Variants in PLEKHA3 observed in about 807,000 individuals in gnomAD.
PLEKHA3 encodes the protein pleckstrin homology domain containing A3, also known as pleckstrin homology domain-containing family A member 3.
PLEKHA3 carries 19 observed loss-of-function variants against 39.2 expected under a neutral mutation model. The observed-to-expected ratio is 0.48, with a 90% CI of 0.34 to 0.71. PLEKHA3 has a LOEUF of 0.71. Ranked by LOEUF, PLEKHA3 falls within the 30% of genes least tolerant of loss-of-function variation. The pLI, the probability that PLEKHA3 is intolerant of heterozygous loss-of-function variation, is 0.01. For synonymous variants in PLEKHA3, 97 were observed against 118.6 expected, an observed-to-expected ratio of 0.82 and a Z score of 1.18; for missense variants, 253 against 359.5, an observed-to-expected ratio of 0.70 and a Z score of 2.40.
chr2:178,503,289 A>G (rs892217514), intron 7 of PLEKHA3, among the ~76,000 whole-genome samples: 3 of 151,952 alleles, frequency 2.0e-5, no homozygotes, highest in Non-Finnish European at 4.4e-5. Flanking sequence ...TAGAATGAAA[A>G]GAGGAATACC....
Position 178,500,254 on chromosome 2 carries a change from T to G in PLEKHA3, c.660-807T>G, listed in dbSNP as rs118012723. Among the ~76,000 whole-genome samples, 53 of 152,222 alleles carry G rather than the reference T, an allele frequency of 3.5e-4. No homozygotes were observed. The East Asian group carries it at 9.5e-3, about 27-fold the overall frequency. On this transcript the variant is annotated intron_variant, in intron 6 of 7. Coordinates refer to ENST00000234453, the MANE Select transcript of PLEKHA3 (RefSeq NM_019091.4). ...TTTGTCATGTTTTAATTTTTTCCCCTGATGATTGTATAATCTTTGATTAAA... is the reference window on the plus strand; with the variant it reads ...TTTGTCATGTTTTAATTTTTTCCCCGGATGATTGTATAATCTTTGATTAAA...
In PLEKHA3 at chr2:178,505,356, C is replaced by G. The variant is rs1350449065; in HGVS notation, c.*1469C>G. 2.0e-5 allele frequency: 3 copies of G among 151,772 alleles called. No individual in the cohort carries two copies. Among genetic ancestry groups the G allele is most frequent in the Non-Finnish European group, 4.4e-5 (3 of 67,828 alleles). 9.4% of individuals were successfully genotyped at this position (151,772 alleles called of 1,614,324 possible). A position where few individuals can be genotyped will look rare whatever the true frequency, so the allele number is the denominator to read the frequency against. On this transcript the variant is annotated 3_prime_UTR_variant, in exon 8 of 8. Transcript: ENST00000234453. Reference sequence around the variant, plus strand: ...TAAGTTTAAGATGGACATAAACAGTCTATACATTAATATGTGTTTGGGTAA... The same window carrying G: ...TAAGTTTAAGATGGACATAAACAGTGTATACATTAATATGTGTTTGGGTAA...
chr2:178,497,777 C>T (rs1685471025), intron 5 of PLEKHA3, among the ~76,000 whole-genome samples: 1 of 151,886 alleles, frequency 6.6e-6, no homozygotes, highest in Admixed American at 6.6e-5. Flanking sequence ...AGTAAAACAC[C>T]TCAGAGTTGC....
chr2:178,510,857 T>A lies in PLEKHA3; in HGVS notation c.*6970T>A, dbSNP rs1685672729. 1 of 152,272 alleles carries A rather than the reference T, an allele frequency of 6.6e-6. No homozygotes were observed. The highest frequency in any genetic ancestry group is 1.5e-5 in the Non-Finnish European group (1 of 68,038). The allele number at this position is 152,272 out of a possible 1,614,324, so 9.4% of individuals were successfully genotyped here. ...ATTTATTTCATAGGTAAAATTTTAA[T>A]CTATTTTCTAATCAAAGTGTTTTGG... is the stretch of plus-strand genomic sequence containing the variant. On this transcript the variant is annotated 3_prime_UTR_variant, in exon 8 of 8. Coordinates refer to ENST00000234453, the MANE Select transcript of PLEKHA3 (RefSeq NM_019091.4).
chr2:178,495,757 G>A, intron 5 of PLEKHA3, 97 bp downstream of exon 5: 3 of 1,325,296 alleles, frequency 2.3e-6, no homozygotes, highest in Non-Finnish European at 3.1e-6. Flanking sequence ...GAAGCAGGCA[G>A]TTGGGGGGCG....
chr2:178,507,150 T>A lies in PLEKHA3; in HGVS notation c.*3263T>A, dbSNP rs1685614686. ...TTCCTGTTTGAAAATGTTATACTAC[T>A]TTTTGTTGACTTATCAATTTCAGAA... On this transcript the variant is annotated 3_prime_UTR_variant, in exon 8 of 8. Coordinates refer to ENST00000234453, the MANE Select transcript of PLEKHA3 (RefSeq NM_019091.4). The A allele has an allele frequency of 6.6e-6, 1 of 152,206 alleles. No individual in the cohort carries two copies. The highest frequency in any genetic ancestry group is 6.5e-5 in the Admixed American group (1 of 15,286). 9.4% of individuals were successfully genotyped at this position (152,206 alleles called of 1,614,324 possible). A position where few individuals can be genotyped will look rare whatever the true frequency, so the allele number is the denominator to read the frequency against.
intron 2 of PLEKHA3, 80 bp from the exon 3 acceptor site, chr2:178,490,579 C>T: frequency 7.3e-7 from 1 of 1,374,938 alleles, no homozygotes; most frequent in Non-Finnish European, 1.0e-6. Flanking sequence ...GCATCTGATA[C>T]TGTGTGATTA....
At chr2:178,493,144 C>T (rs1440398335) in intron 3 of PLEKHA3, among the ~76,000 whole-genome samples, 1 of 152,182 alleles carries the variant, frequency 6.6e-6, no homozygotes, top group Non-Finnish European at 1.5e-5. Context: ...GTAGCTTATA[C>T]TTCTAGTTTA....
chr2:178,499,968 G>A (rs1685503018), intron 6 of PLEKHA3, among the ~76,000 whole-genome samples: 1 of 152,112 alleles, frequency 6.6e-6, no homozygotes, highest in Admixed American at 6.5e-5. Context: ...TATTCATGCT[G>A]AGCTGTTGTT....
chr2:178,496,128 T>C (rs1685441644), intron 5 of PLEKHA3, among the ~76,000 whole-genome samples: 1 of 152,148 alleles, frequency 6.6e-6, no homozygotes, highest in African/African-American at 2.4e-5. Flanking sequence ...ACCCTCAGAG[T>C]AGCTGATCTT....
chr2:178,481,056 G>A, intron 1 of PLEKHA3, 147 bp downstream of exon 1: 1 of 669,872 alleles, frequency 1.5e-6, no homozygotes, highest in Non-Finnish European at 2.2e-6. Flanking sequence ...GAGTCCTTCT[G>A]GCCTCTTCAG....
At chr2:178,497,149 G>C (rs967352209) in intron 5 of PLEKHA3, among the ~76,000 whole-genome samples, 10 of 151,502 alleles carry the variant, frequency 6.6e-5, no homozygotes, top group Non-Finnish European at 1.3e-4. Context: ...GTAGTGTACA[G>C]TGTTGCTGAA....
At chr2:178,490,519 G>A in intron 2 of PLEKHA3, 140 bp from the exon 3 acceptor site, 2 of 836,842 alleles carry the variant, frequency 2.4e-6, no homozygotes, top group African/African-American at 1.8e-5. Flanking sequence ...CCCTCAGGGA[G>A]CAGCACTGCC....
At position 178,508,314 on chromosome 2, in the gene PLEKHA3, TTC is replaced by T. The variant is rs1685635154; in HGVS notation, c.*4429_*4430del. 6.6e-6 allele frequency: 1 copy of T among 152,078 alleles called. No individual in the cohort carries two copies. The highest frequency in any genetic ancestry group is 2.1e-4 in the South Asian group (1 of 4,832). 9.4% of individuals were successfully genotyped at this position (152,078 alleles called of 1,614,324 possible). A position where few individuals can be genotyped will look rare whatever the true frequency, so the allele number is the denominator to read the frequency against. The stretch of plus-strand genomic sequence containing the variant: ...TTTTAATTTCTAAGAGGTCTTTTTT[TTC>T]TGTTTCATTTCATAAAAACCTATTT... On this transcript the variant is annotated 3_prime_UTR_variant, in exon 8 of 8. Transcript: ENST00000234453.
intron 6 of PLEKHA3, among the ~76,000 whole-genome samples, chr2:178,500,409 A>C (rs1407747589): frequency 6.6e-6 from 1 of 152,098 alleles, no homozygotes; most frequent in East Asian, 1.9e-4. Context: ...ATTTTTATGA[A>C]AGAAATTTTT....
intron 7 of PLEKHA3, among the ~76,000 whole-genome samples, chr2:178,502,072 A>C (rs1210124388): frequency 6.6e-6 from 1 of 152,000 alleles, no homozygotes; most frequent in East Asian, 1.9e-4. Context: ...GAAATGGGAC[A>C]AAACAATGGT....
chr2:178,489,077 G>C (rs1285831690), intron 2 of PLEKHA3: 1 of 386,764 alleles, frequency 2.6e-6, no homozygotes, highest in African/African-American at 2.1e-5. Flanking sequence ...TTAGAAATTA[G>C]AGCATTGCTT....
chr2:178,496,544 A>G (rs1169034205), intron 5 of PLEKHA3, among the ~76,000 whole-genome samples: 3 of 152,152 alleles, frequency 2.0e-5, no homozygotes, highest in Non-Finnish European at 2.9e-5. Flanking sequence ...TATTGCCTAG[A>G]TTTATTTAGA....
In PLEKHA3 at chr2:178,495,612, C is replaced by T. The variant is rs377394132; in HGVS notation, c.567C>T (p.His189=). ...TTAAACCTGAGATGTTTCAACTGCA[C>T]CATCCGGATCCCTTAGTTTCTCCTG... is the stretch of plus-strand genomic sequence containing the variant. ...AKFKPEMFQL[H]HPDPLVSPVS... The change falls in exon 5 of 8, where the codon CAC becomes CAT. Residue 189 remains histidine (H), a synonymous_variant. Transcript: ENST00000234453. 1.2e-6 allele frequency: 2 copies of T among 1,613,640 alleles called. No homozygotes were observed. Among genetic ancestry groups the T allele is most frequent in the Non-Finnish European group, 1.7e-6 (2 of 1,179,746 alleles).
Sources: allele counts gnomAD v4.1 joint callset (sites outside exome capture counted in the v4.1 genomes callset), GRCh38; gene constraint gnomAD v4.1.1; transcripts MANE v1.5; gene names NCBI Gene and HGNC (gene_info 2026-07-23, HGNC 2026-07-21).